The following PLEKHO2 variants were observed in gnomAD, a reference collection of about 807,000 sequenced individuals.
The protein encoded by PLEKHO2 is pleckstrin homology domain containing O2, also known as pleckstrin homology domain-containing family O member 2.
A neutral mutation model predicts 32.7 loss-of-function variants in PLEKHO2; 20 were observed. The ratio of observed to expected loss-of-function variants is 0.61; its 90% CI spans 0.43 to 0.89. The LOEUF (loss-of-function observed/expected upper bound fraction) is 0.89, where lower values mean the gene tolerates loss of function less well. Among genes scored for constraint, PLEKHO2 ranks in the 40% least tolerant of loss-of-function variants. The pLI is 0.00. For synonymous variants in PLEKHO2, 247 were observed against 246.3 expected (o/e 1.00, Z -0.03); for missense variants, 568 against 621.2 (o/e 0.91, Z 0.91).
chr15:64,845,474 G>C (rs115338211), intron 1 of PLEKHO2, among the ~76,000 whole-genome samples: 2 of 151,906 alleles, frequency 1.3e-5, no homozygotes, highest in East Asian at 3.9e-4. Context: ...GCATAGCCAG[G>C]CCCCCCTGGA....
At chr15:64,842,442 GTGTGTGTA>G (rs1233294473) in intron 1 of PLEKHO2, among the ~76,000 whole-genome samples, 1 of 151,558 alleles carries the variant, frequency 6.6e-6, no homozygotes, top group Non-Finnish European at 1.5e-5. Context: ...GACTGTGTGT[GTGTGTGTA>G]TGTGTGTGTT....
intron 2 of PLEKHO2, among the ~76,000 whole-genome samples, chr15:64,853,656 T>C (rs1408975678): frequency 6.6e-6 from 1 of 152,156 alleles, no homozygotes. Context: ...GGTCCCAACC[T>C]TGGAGGACCC....
At chr15:64,860,356 T>TA (rs1288578890) in intron 4 of PLEKHO2, among the ~76,000 whole-genome samples, 1 of 152,212 alleles carries the variant, frequency 6.6e-6, no homozygotes, top group Non-Finnish European at 1.5e-5. Flanking sequence ...AGCCGACAGC[T>TA]CCCTTTTCAG....
intron 1 of PLEKHO2, among the ~76,000 whole-genome samples, chr15:64,845,485 G>A (rs1025583711): frequency 3.3e-5 from 5 of 152,102 alleles, no homozygotes; most frequent in African/African-American, 4.8e-5. Flanking sequence ...CCCCCCTGGA[G>A]GGAGGGGGTC....
intron 1 of PLEKHO2, among the ~76,000 whole-genome samples, 165 bp downstream of exon 1, chr15:64,842,193 G>T (rs1475264136): frequency 6.6e-6 from 1 of 152,254 alleles, no homozygotes; most frequent in Non-Finnish European, 1.5e-5. Flanking sequence ...GATCCATATC[G>T]GGGACTTCGC....
At chr15:64,852,023 G>A (rs913378525) in intron 2 of PLEKHO2, among the ~76,000 whole-genome samples, 1 of 152,094 alleles carries the variant, frequency 6.6e-6, no homozygotes, top group African/African-American at 2.4e-5. Context: ...TGCTTGTAGG[G>A]TGCAGTTGGG....
intron 1 of PLEKHO2, among the ~76,000 whole-genome samples, chr15:64,844,819 TATCTC>T (rs1234107509): frequency 4.6e-5 from 7 of 152,168 alleles, no homozygotes; most frequent in Non-Finnish European, 7.3e-5. Context: ...CCCAAGCCCT[TATCTC>T]ATCAGAGAGC....
intron 2 of PLEKHO2, among the ~76,000 whole-genome samples, chr15:64,852,734 C>A (rs539391350): frequency 1.3e-5 from 2 of 152,068 alleles, no homozygotes. Flanking sequence ...GATTCTTCTG[C>A]CTCAGCCTCC....
At chr15:64,853,179 C>T (rs1255657252) in intron 2 of PLEKHO2, among the ~76,000 whole-genome samples, 2 of 151,774 alleles carry the variant, frequency 1.3e-5, no homozygotes, top group Non-Finnish European at 2.9e-5. Context: ...CCATCAAAAT[C>T]CCTGGGGGCT....
chr15:64,866,160 A>G lies in PLEKHO2; in HGVS notation c.*272A>G, dbSNP rs897568072. 3 of 551,448 alleles carry G rather than the reference A, an allele frequency of 5.4e-6. No homozygotes were observed. Among genetic ancestry groups the G allele is most frequent in the African/African-American group, 1.9e-5 (1 of 52,824 alleles). The allele number at this position is 551,448 out of a possible 1,614,324, so 34.2% of individuals were successfully genotyped here. A position where few individuals can be genotyped will look rare whatever the true frequency, so the allele number is the denominator to read the frequency against. On this transcript the variant is annotated 3_prime_UTR_variant, in exon 6 of 6. Transcript: ENST00000323544. ...GCTGGGAGCACACACGCTGGGACCTATGTGTTTGTGTGGTCGTTCCAAACT... is the reference window on the plus strand; with the variant it reads ...GCTGGGAGCACACACGCTGGGACCTGTGTGTTTGTGTGGTCGTTCCAAACT...
At chr15:64,862,538 A>G (rs2140345474) in intron 5 of PLEKHO2, among the ~76,000 whole-genome samples, 1 of 152,168 alleles carries the variant, frequency 6.6e-6, no homozygotes, top group East Asian at 1.9e-4. Context: ...AGTGGAGCTA[A>G]TGCTGCAGGG....
At chr15:64,858,558 T>C (rs1013130345) in intron 3 of PLEKHO2, among the ~76,000 whole-genome samples, 8 of 152,234 alleles carry the variant, frequency 5.3e-5, no homozygotes, top group African/African-American at 1.9e-4. Context: ...GCACCTACTA[T>C]GTGCCAGTCC....
chr15:64,848,983 C>A (rs2084544767), intron 2 of PLEKHO2, among the ~76,000 whole-genome samples: 1 of 148,380 alleles, frequency 6.7e-6, no homozygotes, highest in East Asian at 2.0e-4. Context: ...AAACTTAATT[C>A]TTTTTTTTTT....
At chr15:64,846,867 C>A (rs1024829119) in intron 1 of PLEKHO2, among the ~76,000 whole-genome samples, 4 of 152,186 alleles carry the variant, frequency 2.6e-5, no homozygotes, top group African/African-American at 9.6e-5. Flanking sequence ...TTAGGGCATC[C>A]TGGGAACTGC....
At chr15:64,855,061 C>T (rs1451666597) in intron 3 of PLEKHO2, 24 bp downstream of exon 3, 1 of 1,539,560 alleles carries the variant, frequency 6.5e-7, no homozygotes, top group Non-Finnish European at 8.8e-7. Context: ...TGCTGCTGCC[C>T]CATCTCCCTC....
intron 1 of PLEKHO2, among the ~76,000 whole-genome samples, chr15:64,843,715 G>A (rs757570931): frequency 1.3e-4 from 19 of 151,862 alleles, no homozygotes; most frequent in Non-Finnish European, 5.9e-5. Flanking sequence ...TGAATAGCTG[G>A]GATTACAGGC....
chr15:64,866,461 C>T lies in PLEKHO2; in HGVS notation c.*573C>T. On this transcript the variant is annotated 3_prime_UTR_variant, in exon 6 of 6. Transcript: ENST00000323544. ...GGAACGTAGGACCCAGCTGGAGCCT[C>T]TTGAGGGAGATGAGAGGCCTCTTTG... The T allele has an allele frequency of 2.2e-6, 1 of 452,348 alleles. No homozygotes were observed. Among genetic ancestry groups the T allele is most frequent in the Non-Finnish European group, 4.4e-6 (1 of 224,744 alleles). 28.0% of individuals were successfully genotyped at this position (452,348 alleles called of 1,614,324 possible).
At chr15:64,864,786 G>T (rs923168535) in intron 5 of PLEKHO2, 113 bp from the exon 6 acceptor site, 3 of 1,167,694 alleles carry the variant, frequency 2.6e-6, no homozygotes, top group Non-Finnish European at 3.6e-6. Flanking sequence ...AGGCTGGGGA[G>T]CTGGGGGCCT....
At chr15:64,859,294 G>A (rs1222677469) in intron 3 of PLEKHO2, among the ~76,000 whole-genome samples, 1 of 152,202 alleles carries the variant, frequency 6.6e-6, no homozygotes, top group Non-Finnish European at 1.5e-5. Context: ...GCAGGTTCTG[G>A]TGGTATTCTC....
Sources: allele counts gnomAD v4.1 joint callset (sites outside exome capture counted in the v4.1 genomes callset), GRCh38; gene constraint gnomAD v4.1.1; transcripts MANE v1.5; gene names NCBI Gene and HGNC (gene_info 2026-07-23, HGNC 2026-07-21).